Variants in TNC observed in about 807,000 individuals in gnomAD.
TNC encodes the protein tenascin C, also known as tenascin.
A neutral mutation model predicts 202.4 loss-of-function variants in TNC; 109 were observed. The observed-to-expected ratio is 0.54, with a 90% CI of 0.46 to 0.63. The LOEUF is 0.63. Among genes scored for constraint, TNC ranks in the 30% least tolerant of loss-of-function variants. TNC has a pLI of 0.00. For missense variants in TNC, 2,756 were observed against 2,833.3 expected (o/e 0.97, Z 0.62); for synonymous variants, 1,007 against 1,089.7 (o/e 0.92, Z 1.50).
Position 115,036,227 on chromosome 9 carries a change from G to A in TNC, c.5527C>T (p.Arg1843Cys), listed in dbSNP as rs371963021. The change falls in exon 21 of 28, where the codon CGC becomes TGC. Residue 1843 changes from arginine (R) to cysteine (C), a missense_variant. This residue lies in a region of TNC where 2,559 missense variants were observed against 2,546.0 expected (regional missense o/e 1.01). Coordinates refer to ENST00000350763, the MANE Select transcript of TNC (RefSeq NM_002160.4). ...TCCACTGTGTTCCCGGACACCGTGC[G>A]TGTAATTTCTGGCACTAAACATGAA... ...YTGEKVPEIT[R>C]TVSGNTVEYA... 3.3e-5 allele frequency: 54 copies of A among 1,613,964 alleles called. No individual in the cohort carries two copies. Among genetic ancestry groups the A allele is most frequent in the African/African-American group, 4.0e-5 (3 of 74,902 alleles).
chr9:115,024,732 A>G (rs1829348028), intron 26 of TNC, among the ~76,000 whole-genome samples: 1 of 152,210 alleles, frequency 6.6e-6, no homozygotes, highest in East Asian at 1.9e-4. Context: ...TGTATCACAT[A>G]GTTACTTTTT....
chr9:115,077,633 A>G (rs1031066949), intron 7 of TNC, among the ~76,000 whole-genome samples: 1 of 152,260 alleles, frequency 6.6e-6, no homozygotes, highest in African/African-American at 2.4e-5. Flanking sequence ...TATGTTTTCC[A>G]TATACCATAT....
At chr9:115,076,682 T>C in intron 7 of TNC, 107 bp from the exon 8 acceptor site, 1 of 1,299,838 alleles carries the variant, frequency 7.7e-7, no homozygotes, top group Non-Finnish European at 1.1e-6. Context: ...TGGAGAGAAA[T>C]TACAAAATTC....
At chr9:115,080,541 T>C (rs1014146127) in intron 6 of TNC, among the ~76,000 whole-genome samples, 2 of 152,128 alleles carry the variant, frequency 1.3e-5, no homozygotes, top group Non-Finnish European at 2.9e-5. Context: ...ACTTAAAGAG[T>C]TGGCGCATAT....
intron 1 of TNC, among the ~76,000 whole-genome samples, chr9:115,101,114 A>G (rs1836200232): frequency 6.6e-6 from 1 of 152,192 alleles, no homozygotes; most frequent in African/African-American, 2.4e-5. Context: ...CATACGTGCC[A>G]AGCCCTGAGT....
intron 16 of TNC, among the ~76,000 whole-genome samples, chr9:115,047,973 C>T (rs972822871): frequency 4.6e-5 from 7 of 151,956 alleles, no homozygotes; most frequent in African/African-American, 1.7e-4. Context: ...TCACAAGGGA[C>T]GATGATATGA....
chr9:115,051,782 C>A (rs1417516980), intron 15 of TNC, among the ~76,000 whole-genome samples: 1 of 151,712 alleles, frequency 6.6e-6, no homozygotes, highest in Non-Finnish European at 1.5e-5. Flanking sequence ...ACTTTTTAGG[C>A]AGAATCTCTA....
intron 1 of TNC, among the ~76,000 whole-genome samples, chr9:115,116,871 T>C (rs915948726): frequency 6.6e-6 from 1 of 151,944 alleles, no homozygotes; most frequent in Non-Finnish European, 1.5e-5. Flanking sequence ...TTGGGTGAGA[T>C]AAAAAGCGGG....
intron 20 of TNC, among the ~76,000 whole-genome samples, chr9:115,037,083 T>C (rs1045606258): frequency 1.3e-5 from 2 of 152,166 alleles, no homozygotes; most frequent in African/African-American, 4.8e-5. Flanking sequence ...ACAGGGACTA[T>C]TTAAGAATTA....
chr9:115,091,500 T>C (rs1322589089), intron 1 of TNC, among the ~76,000 whole-genome samples: 1 of 152,262 alleles, frequency 6.6e-6, no homozygotes, highest in Non-Finnish European at 1.5e-5. Context: ...ACTTTCTGTA[T>C]AGTGAAGATC....
In TNC at chr9:115,086,461, C is replaced by T. The variant is rs904404217; in HGVS notation, c.1270G>A (p.Val424Met). The change falls in exon 3 of 28, where the codon GTG (valine) becomes ATG (methionine). Residue 424 changes from valine to methionine, a missense_variant. By Grantham distance (21) the Val-to-Met change is conservative. This residue lies in a region of TNC where 2,559 missense variants were observed against 2,546.0 expected (regional missense o/e 1.01). Coordinates refer to ENST00000350763, the MANE Select transcript of TNC (RefSeq NM_002160.4). ...TCCCCAGTATAGCCCTCATCACACA[C>T]ACACTGCCCATTGACACAGCGGCCA... ...GHGRCVNGQC[V>M]CDEGYTGEDC... The T allele has an allele frequency of 6.2e-7, 1 of 1,613,896 alleles. No individual in the cohort carries two copies. Among genetic ancestry groups the T allele is most frequent in the African/African-American group, 1.3e-5 (1 of 75,002 alleles).
chr9:115,085,381 C>T (rs1005977031), intron 3 of TNC, among the ~76,000 whole-genome samples: 7 of 152,186 alleles, frequency 4.6e-5, no homozygotes, highest in African/African-American at 1.4e-4. Context: ...TATGTAATCT[C>T]ACTGCGTATT....
At position 115,042,327 on chromosome 9, in the gene TNC, T is replaced by C. The variant is rs781225668; in HGVS notation, c.5140A>G (p.Lys1714Glu). 10 of 1,614,010 alleles carry C rather than the reference T, an allele frequency of 6.2e-6. No individual in the cohort carries two copies. Among genetic ancestry groups the C allele is most frequent in the Non-Finnish European group, 8.5e-7 (1 of 1,179,986 alleles). Reference protein sequence around the residue: ...AIATTAMGSPKEVIFSDITEN... With the variant: ...AIATTAMGSPEEVIFSDITEN... Reference sequence around the variant, plus strand: ...GTGATGTCTGAGAAAATGACTTCCTTTGGGGAGCCCATGGCTGTCAAGAAG... The same window carrying C: ...GTGATGTCTGAGAAAATGACTTCCTCTGGGGAGCCCATGGCTGTCAAGAAG... Residue 1714 changes from lysine (K) to glutamate (E), a missense_variant, in exon 18 of 28, where the codon AAG (lysine) becomes GAG (glutamate). This residue lies in a region of TNC where 2,559 missense variants were observed against 2,546.0 expected (regional missense o/e 1.01). Coordinates refer to ENST00000350763, the MANE Select transcript of TNC (RefSeq NM_002160.4).
At chr9:115,096,121 T>G (rs988586809) in intron 1 of TNC, among the ~76,000 whole-genome samples, 2 of 152,226 alleles carry the variant, frequency 1.3e-5, no homozygotes, top group African/African-American at 4.8e-5. Context: ...CTGTGACTTA[T>G]GAAATTGTTT....
intron 27 of TNC, 49 bp from the exon 28 acceptor site, chr9:115,021,316 G>C: frequency 2.1e-6 from 3 of 1,434,102 alleles, no homozygotes; most frequent in Non-Finnish European, 2.9e-6. Flanking sequence ...AAGGCCTCCA[G>C]GTTGGTTACT....
In TNC at chr9:115,020,810, G is replaced by A. The variant is rs903563263; in HGVS notation, c.*347C>T. The A allele has an allele frequency of 2.5e-5, 7 of 277,074 alleles. No individual in the cohort carries two copies. The highest frequency in any genetic ancestry group is 4.7e-5 in the Admixed American group (1 of 21,444). The allele number at this position is 277,074 out of a possible 1,614,324, so 17.2% of individuals were successfully genotyped here. On this transcript the variant is annotated 3_prime_UTR_variant, in exon 28 of 28. Transcript: ENST00000350763. ...AATTATACAGCTTCATGTAAAATACGGCTGGTTCTAAAACAAACTACCCCT... is the reference window on the plus strand; with the variant it reads ...AATTATACAGCTTCATGTAAAATACAGCTGGTTCTAAAACAAACTACCCCT...
At chr9:115,036,023 C>A in intron 21 of TNC, 75 bp downstream of exon 21, 1 of 1,562,170 alleles carries the variant, frequency 6.4e-7, no homozygotes, top group Non-Finnish European at 8.7e-7. Context: ...AACTGGCTAG[C>A]GGTTCCTGTT....
At chr9:115,105,788 G>A (rs1197553675) in intron 1 of TNC, among the ~76,000 whole-genome samples, 1 of 152,122 alleles carries the variant, frequency 6.6e-6, no homozygotes, top group African/African-American at 2.4e-5. Flanking sequence ...AACACGTTTG[G>A]AAAATGTTAT....
At chr9:115,098,449 C>T (rs1482594193) in intron 1 of TNC, among the ~76,000 whole-genome samples, 1 of 152,152 alleles carries the variant, frequency 6.6e-6, no homozygotes, top group South Asian at 2.1e-4. Flanking sequence ...CACCTCACTG[C>T]AGGACAAAGA....
Sources: allele counts gnomAD v4.1 joint callset (sites outside exome capture counted in the v4.1 genomes callset), GRCh38; gene constraint gnomAD v4.1.1; regional missense constraint gnomAD v4.1.1; transcripts MANE v1.5; gene names NCBI Gene and HGNC (gene_info 2026-07-23, HGNC 2026-07-21).